The following HSPG2 variants were observed in gnomAD, a reference collection of about 807,000 sequenced individuals.
HSPG2 encodes the protein heparan sulfate proteoglycan 2.
HSPG2 carries 278 observed loss-of-function variants against 526.6 expected under a neutral mutation model. The ratio of observed to expected loss-of-function variants is 0.53; its 90% CI spans 0.48 to 0.58. The LOEUF (loss-of-function observed/expected upper bound fraction) is 0.58. HSPG2 is among the 20% of genes least tolerant of loss of function. The pLI is 0.00. For missense variants in HSPG2, 5,354 were observed against 6,099.5 expected, an observed-to-expected ratio of 0.88 and a Z score of 4.07; for synonymous variants, 2,465 against 2,555.4, an observed-to-expected ratio of 0.96 and a Z score of 1.07.
chr1:21,834,535 T>G, intron 77 of HSPG2, 144 bp downstream of exon 77: 1 of 999,898 alleles, frequency 1.0e-6, no homozygotes, highest in Non-Finnish European at 1.5e-6. Flanking sequence ...CCACCTGTTA[T>G]GAAACCTGCC....
At position 21,855,348 on chromosome 1, in the gene HSPG2, C is replaced by T. The variant is rs377309837; in HGVS notation, c.5953G>A (p.Ala1985Thr). Residue 1985 changes from alanine (A) to threonine (T), a missense_variant, in exon 47 of 97, where the codon GCC (alanine) becomes ACC (threonine). Physicochemically the swap from Ala to Thr is moderately conservative, Grantham distance 58. Coordinates refer to ENST00000374695, the MANE Select transcript of HSPG2 (RefSeq NM_005529.7). The part of the protein sequence containing the change: ...LYCRAAGVPS[A>T]TITWRKEGGS... ...CCTTCCTTCCTCCAGGTGATGGTGG[C>T]GCTAGGCACGCCTGCAGCCCTGCAG... The T allele has an allele frequency of 8.1e-5, 131 of 1,609,802 alleles. No homozygotes were observed. Among genetic ancestry groups the T allele is most frequent in the Non-Finnish European group, 1.0e-4 (121 of 1,178,798 alleles).
chr1:21,918,808 C>G (rs1643949698), intron 1 of HSPG2, among the ~76,000 whole-genome samples: 1 of 152,196 alleles, frequency 6.6e-6, no homozygotes, highest in African/African-American at 2.4e-5. Context: ...GGATACTTCC[C>G]CAGGGCTGGG....
intron 64 of HSPG2, among the ~76,000 whole-genome samples, chr1:21,845,657 G>A (rs1638371315): frequency 6.6e-6 from 1 of 152,196 alleles, no homozygotes; most frequent in Non-Finnish European, 1.5e-5. Flanking sequence ...TGGGATTCAG[G>A]TGGGAGCTAC....
chr1:21,855,807 G>A lies in HSPG2; in HGVS notation c.5681C>T (p.Thr1894Met), dbSNP rs151035968. Reference protein sequence around the residue: ...EFRCSATGSPTPTLEWTGGPG... With the variant: ...EFRCSATGSPMPTLEWTGGPG... The stretch of plus-strand genomic sequence containing the variant: ...CTCACCTGTCCACTCGAGGGTGGGC[G>A]TGGGGCTCCCTGTGGCGCTGCAGCG... Residue 1894 changes from threonine to methionine, a missense_variant, in exon 45 of 97, where the codon ACG (threonine) becomes ATG (methionine). Transcript: ENST00000374695. 8.7e-6 allele frequency: 14 copies of A among 1,613,094 alleles called. No individual in the cohort carries two copies. The African/African-American group carries it at 1.2e-4, about 14-fold the overall frequency.
At chr1:21,830,168 C>T in intron 85 of HSPG2, 77 bp from the exon 86 acceptor site, 1 of 1,173,174 alleles carries the variant, frequency 8.5e-7, no homozygotes, top group Admixed American at 2.0e-5. Flanking sequence ...AGAGGTCTGC[C>T]CATCACACCC....
intron 75 of HSPG2, among the ~76,000 whole-genome samples, chr1:21,836,116 A>G (rs560816060): frequency 1.3e-5 from 2 of 152,154 alleles, no homozygotes; most frequent in East Asian, 3.9e-4. Flanking sequence ...GGGGCACCAC[A>G]CTCATTTTAG....
intron 33 of HSPG2, among the ~76,000 whole-genome samples, chr1:21,867,445 C>T (rs1219748257): frequency 6.6e-6 from 1 of 152,136 alleles, no homozygotes; most frequent in Non-Finnish European, 1.5e-5. Flanking sequence ...CAAACTCTAG[C>T]TCTACTGGCT....
At chr1:21,863,071 A>C (rs1325830047) in intron 37 of HSPG2, among the ~76,000 whole-genome samples, 2 of 137,216 alleles carry the variant, frequency 1.5e-5, no homozygotes, top group African/African-American at 2.8e-5. Flanking sequence ...AAAAAAAAAA[A>C]AAAAAAAAAA....
intron 6 of HSPG2, chr1:21,888,638 G>T: frequency 7.4e-7 from 1 of 1,357,570 alleles, no homozygotes; most frequent in South Asian, 1.2e-5. Context: ...TAGGAACCTG[G>T]CTGGGCCTCG....
chr1:21,920,920 G>C (rs1468866090), intron 1 of HSPG2, among the ~76,000 whole-genome samples: 2 of 151,958 alleles, frequency 1.3e-5, no homozygotes, highest in Non-Finnish European at 2.9e-5. Context: ...CTTCAAACAT[G>C]TGTCTGGGAT....
At chr1:21,934,998 C>A (rs1644449109) in intron 1 of HSPG2, among the ~76,000 whole-genome samples, 3 of 152,012 alleles carry the variant, frequency 2.0e-5, no homozygotes, top group African/African-American at 7.3e-5. Flanking sequence ...CCTCCGCCTC[C>A]TGGGTTCAAG....
At chr1:21,903,207 G>A (rs1004953657) in intron 1 of HSPG2, among the ~76,000 whole-genome samples, 1 of 152,174 alleles carries the variant, frequency 6.6e-6, no homozygotes, top group African/African-American at 2.4e-5. Context: ...TCATCCTAAG[G>A]GAAAGAGGGG....
chr1:21,886,619 G>C (rs1017500710), intron 9 of HSPG2, among the ~76,000 whole-genome samples: 1 of 152,162 alleles, frequency 6.6e-6, no homozygotes. Flanking sequence ...CAGGATGCCC[G>C]TAATGTCCAT....
rs200037164 is a variant in HSPG2, at chr1:21,847,473, C to T, written c.8045G>A (p.Arg2682Gln). 2.3e-5 allele frequency: 37 copies of T among 1,613,762 alleles called. No homozygotes were observed. In the Admixed American group the frequency reaches 2.8e-4, roughly 12 times the overall value. Reference protein sequence around the residue: ...SRHQTHGSHLRLHQMSVADSG... With the variant: ...SRHQTHGSHLQLHQMSVADSG... The stretch of plus-strand genomic sequence containing the variant: ...GTCAGCCACAGACATTTGGTGCAAC[C>T]GCAGGTGGGAGCCATGGGTCTGGAC... Residue 2682 changes from arginine to glutamine, a missense_variant, in exon 62 of 97, where the codon CGG becomes CAG. Coordinates refer to ENST00000374695, the MANE Select transcript of HSPG2 (RefSeq NM_005529.7). This position sits in a 1 kb window ranked among gnomAD's most constrained non-coding sequence, Gnocchi z 4.1.
Position 21,834,895 on chromosome 1 carries a change from C to T in HSPG2, c.10504G>A (p.Val3502Ile). 6.2e-7 allele frequency: 1 copy of T among 1,613,530 alleles called. No individual in the cohort carries two copies. The highest frequency in any genetic ancestry group is 8.5e-7 in the Non-Finnish European group (1 of 1,179,654). Residue 3502 changes from valine (V) to isoleucine (I), a missense_variant, in exon 77 of 97, where the codon GTT (valine) becomes ATT (isoleucine). Coordinates refer to ENST00000374695, the MANE Select transcript of HSPG2 (RefSeq NM_005529.7). ...CATTCGAACTCCACGGCGTGGCCAA[C>T]CACCACGGTCTGCACAGAGGTCCGG... is the stretch of plus-strand genomic sequence containing the variant. ...NIRTSVQTVV[V>I]GHAVEFECLA... is the part of the protein sequence containing the mutation.
In HSPG2 at chr1:21,834,785, A is replaced by C. The variant is rs751431918; in HGVS notation, c.10614T>G (p.Gly3538=). ...HLRPGIVQSG[G]VVRIAHVELA... Reference sequence around the variant, plus strand: ...GCTCTACGTGGGCGATCCTGACGACACCTCCGCTCTGCACAATGCCTGGCC... The same window carrying C: ...GCTCTACGTGGGCGATCCTGACGACCCCTCCGCTCTGCACAATGCCTGGCC... Residue 3538 remains glycine, a synonymous_variant, in exon 77 of 97, where the codon GGT becomes GGG. Coordinates refer to ENST00000374695, the MANE Select transcript of HSPG2 (RefSeq NM_005529.7). 2.5e-6 allele frequency: 4 copies of C among 1,613,884 alleles called. No homozygotes were observed. The highest frequency in any genetic ancestry group is 3.4e-6 in the Non-Finnish European group (4 of 1,179,972).
chr1:21,837,027 T>C (rs1324235878), intron 74 of HSPG2, 21 bp from the exon 75 acceptor site: 4 of 1,541,312 alleles, frequency 2.6e-6, no homozygotes, highest in Non-Finnish European at 3.5e-6. Flanking sequence ...ATGTATGAGG[T>C]TCTGCAGGTA....
At chr1:21,924,856 T>C (rs1644142050) in intron 1 of HSPG2, among the ~76,000 whole-genome samples, 1 of 152,226 alleles carries the variant, frequency 6.6e-6, no homozygotes, top group Non-Finnish European at 1.5e-5. Context: ...TTTCCTCCTC[T>C]ACCAGCCAAA....
intron 1 of HSPG2, among the ~76,000 whole-genome samples, chr1:21,897,076 G>A (rs200434879): frequency 2.0e-5 from 3 of 152,224 alleles, no homozygotes; most frequent in Non-Finnish European, 4.4e-5. Context: ...AAGGGCCCCA[G>A]CAGCCATAAC....
Sources: gnomAD v4.1 joint callset for allele counts (sites outside exome capture counted in the v4.1 genomes callset) on GRCh38, gnomAD v4.1.1 for gene constraint, Gnocchi (gnomAD v3.1) non-coding constraint, MANE v1.5 for transcripts, NCBI Gene and HGNC (gene_info 2026-07-23, HGNC 2026-07-21) for gene names.